Variants in WNT9A observed in about 807,000 individuals in gnomAD.
WNT9A encodes the protein protein Wnt-9a.
A neutral mutation model predicts 31.4 loss-of-function variants in WNT9A; 8 were observed. The ratio of observed to expected loss-of-function variants is 0.26; its 90% CI spans 0.15 to 0.46. The LOEUF is 0.46. WNT9A is among the 20% of genes least tolerant of loss of function. The pLI is 0.99. For missense variants in WNT9A, 457 were observed against 522.9 expected (o/e 0.87, Z 1.23); for synonymous variants, 236 against 220.1 (o/e 1.07, Z -0.64).
intron 1 of WNT9A, among the ~76,000 whole-genome samples, chr1:227,933,590 A>G (rs658238): frequency 0.54 from 81,738 of 152,026 alleles, 22,260 homozygotes; most frequent in African/African-American, 0.63. Context: ...ATCATTCTTC[A>G]CTTTAAAGTG....
At chr1:227,930,372 G>A (rs868494585) in intron 1 of WNT9A, among the ~76,000 whole-genome samples, 2 of 152,194 alleles carry the variant, frequency 1.3e-5, no homozygotes, top group Non-Finnish European at 2.9e-5. Context: ...GAGGAAGCAC[G>A]TTCTTCCCCA....
intron 1 of WNT9A, among the ~76,000 whole-genome samples, chr1:227,938,351 A>G (rs893845967): frequency 3.3e-5 from 5 of 150,912 alleles, no homozygotes; most frequent in Admixed American, 2.6e-4. Context: ...ATACACACAG[A>G]CACACGCATA....
Position 227,933,990 on chromosome 1 carries a change from G to C in WNT9A, c.96-8471C>G, listed in dbSNP as rs919916443. ...TTATTTCACCGAACACAATGTCCTC[G>C]AGGTTCATCTGGGCTGCAGCCTGTG... On this transcript the variant is annotated intron_variant, in intron 1 of 3. Transcript: ENST00000272164. Among the ~76,000 whole-genome samples, 4 of 152,166 alleles carry C rather than the reference G, an allele frequency of 2.6e-5. No individual in the cohort carries two copies. The East Asian group carries it at 7.7e-4, about 29-fold the overall frequency.
chr1:227,924,058 C>CACTTGCCTTCA, intron 3 of WNT9A, 80 bp downstream of exon 3: 1 of 689,232 alleles, frequency 1.5e-6, no homozygotes, highest in Non-Finnish European at 2.1e-6. Flanking sequence ...AGCCCCGCCC[C>CACTTGCCTTCA]CAGTCCCACG....
chr1:227,947,674 C>T, intron 1 of WNT9A, 119 bp downstream of exon 1: 4 of 468,100 alleles, frequency 8.5e-6, no homozygotes, highest in Non-Finnish European at 1.1e-5. Context: ...CCAGGCAACC[C>T]GGCGGCCCCG....
chr1:227,925,121 A>T lies in WNT9A; in HGVS notation c.352+142T>A. 1.5e-6 allele frequency: 2 copies of T among 1,302,036 alleles called. No individual in the cohort carries two copies. Among genetic ancestry groups the T allele is most frequent in the Non-Finnish European group, 2.0e-6 (2 of 993,574 alleles). The allele number at this position is 1,302,036 out of a possible 1,614,324, so 80.7% of individuals were successfully genotyped here. On this transcript the variant is annotated intron_variant, in intron 2 of 3. Transcript: ENST00000272164. This position sits in a 1 kb window ranked among gnomAD's most constrained non-coding sequence, Gnocchi z 6.0. ...GGGAGGTCCCGGGGCTGCCCTTTCCAGGGCCTAGGCCCAGGAGCTCTGGGC... is the reference window on the plus strand; with the variant it reads ...GGGAGGTCCCGGGGCTGCCCTTTCCTGGGCCTAGGCCCAGGAGCTCTGGGC...
At chr1:227,932,021 G>A (rs913992425) in intron 1 of WNT9A, among the ~76,000 whole-genome samples, 2 of 152,060 alleles carry the variant, frequency 1.3e-5, no homozygotes, top group Non-Finnish European at 2.9e-5. Context: ...ACGCCCAGCC[G>A]GAAATTTCTT....
At chr1:227,946,862 G>A (rs1666802450) in intron 1 of WNT9A, among the ~76,000 whole-genome samples, 1 of 151,898 alleles carries the variant, frequency 6.6e-6, no homozygotes, top group South Asian at 2.1e-4. Context: ...CGGCCCGGCT[G>A]AGGGAGCGGC....
intron 1 of WNT9A, among the ~76,000 whole-genome samples, chr1:227,945,462 T>G (rs1666779769): frequency 6.6e-6 from 1 of 152,152 alleles, no homozygotes. Flanking sequence ...AGGGTTGGGT[T>G]GCAGCTCAGG....
intron 1 of WNT9A, among the ~76,000 whole-genome samples, chr1:227,935,310 C>CA (rs1666575943): frequency 6.6e-6 from 1 of 152,072 alleles, no homozygotes; most frequent in Non-Finnish European, 1.5e-5. Flanking sequence ...GAGCTTGAGT[C>CA]ACAGCTCCAG....
At position 227,920,953 on chromosome 1, in the gene WNT9A, G is replaced by A. The variant is rs1666301359; in HGVS notation, c.*565C>T. 1 of 152,974 alleles carries A rather than the reference G, an allele frequency of 6.5e-6. No homozygotes were observed. The highest frequency in any genetic ancestry group is 1.5e-5 in the Non-Finnish European group (1 of 68,644). The allele number at this position is 152,974 out of a possible 1,614,324, so 9.5% of individuals were successfully genotyped here. On this transcript the variant is annotated 3_prime_UTR_variant, in exon 4 of 4. Transcript: ENST00000272164. ...CAGGGCTTGGACAGCCAACCCAGAGGACCCCCGGCACCCTGCTCCAGCTGT... is the reference window on the plus strand; with the variant it reads ...CAGGGCTTGGACAGCCAACCCAGAGAACCCCCGGCACCCTGCTCCAGCTGT...
chr1:227,924,852 G>A (rs558318811), intron 2 of WNT9A, among the ~76,000 whole-genome samples: 30 of 152,340 alleles, frequency 2.0e-4, no homozygotes, highest in Non-Finnish European at 3.2e-4. Context: ...GGGAGGGGGC[G>A]GGAGGAGGCT....
In WNT9A at chr1:227,921,674, G is replaced by T; in HGVS notation, c.942C>A (p.His314Gln). Residue 314 changes from histidine to glutamine, a missense_variant, in exon 4 of 4, where the codon CAC (histidine) becomes CAA (glutamine). Transcript: ENST00000272164. ...FSPGTAGRRC[H>Q]REKNCESICC... Reference sequence around the variant, plus strand: ...AGATGCTCTCGCAGTTCTTCTCACGGTGGCACCTACGGCCAGCGGTGCCCG... The same window carrying T: ...AGATGCTCTCGCAGTTCTTCTCACGTTGGCACCTACGGCCAGCGGTGCCCG... The T allele has an allele frequency of 6.2e-7, 1 of 1,613,264 alleles. No individual in the cohort carries two copies. The highest frequency in any genetic ancestry group is 1.6e-4 in the Middle Eastern group (1 of 6,062).
At chr1:227,947,705 C>T (rs1245122633) in intron 1 of WNT9A, 88 bp downstream of exon 1, 3 of 816,706 alleles carry the variant, frequency 3.7e-6, no homozygotes, top group East Asian at 9.1e-5. Flanking sequence ...GCCCCAGCCA[C>T]CCCGGGTGCC....
In WNT9A at chr1:227,918,996, T is replaced by C. The variant is rs1275870967; in HGVS notation, c.*2522A>G. Reference sequence around the variant, plus strand: ...AGCGCATGAAACAGGAGGCTCCGGCTGAGCGGCCTCTTCATCCAGCAAGAC... The same window carrying C: ...AGCGCATGAAACAGGAGGCTCCGGCCGAGCGGCCTCTTCATCCAGCAAGAC... On this transcript the variant is annotated 3_prime_UTR_variant, in exon 4 of 4. Transcript: ENST00000272164. The C allele has an allele frequency of 6.6e-6, 1 of 152,256 alleles. No individual in the cohort carries two copies. Among genetic ancestry groups the C allele is most frequent in the Non-Finnish European group, 1.5e-5 (1 of 68,046 alleles). The allele number at this position is 152,256 out of a possible 1,614,324, so 9.4% of individuals were successfully genotyped here. A position where few individuals can be genotyped will look rare whatever the true frequency, so the allele number is the denominator to read the frequency against.
rs936139780 is a variant in WNT9A at position 227,928,486 on chromosome 1, C to T, written c.96-2967G>A. On this transcript the variant is annotated intron_variant, in intron 1 of 3. Coordinates refer to ENST00000272164, the MANE Select transcript of WNT9A (RefSeq NM_003395.4). The surrounding 1 kb of genome is among the most constrained non-coding windows in gnomAD (Gnocchi z 4.5). ...TCTGTGCTGCTCTGGCCATGGCCTT[C>T]TTAAGCTCCTGCCCCCTCACCTCTC... 2.6e-5 allele frequency among the ~76,000 whole-genome samples: 4 copies of T among 152,204 alleles called. No homozygotes were observed. The highest frequency in any genetic ancestry group is 9.6e-5 in the African/African-American group (4 of 41,464).
Position 227,947,771 on chromosome 1 carries a change from G to A in WNT9A, c.95+22C>T, listed in dbSNP as rs575869608. 4.5e-4 allele frequency: 481 copies of A among 1,065,160 alleles called. 2 individuals carry two copies. The African/African-American group carries it at 7.5e-3, about 17-fold the overall frequency. The allele number at this position is 1,065,160 out of a possible 1,614,324, so 66.0% of individuals were successfully genotyped here. ...CCGCCGCCCCCGCCCACCAGTGCGC[G>A]CCGGCCGCCGAAGGCACCTACCCGA... On this transcript the variant is annotated intron_variant, in intron 1 of 3. Coordinates refer to ENST00000272164, the MANE Select transcript of WNT9A (RefSeq NM_003395.4).
chr1:227,927,388 G>A (rs1471435389), intron 1 of WNT9A, among the ~76,000 whole-genome samples: 2 of 152,216 alleles, frequency 1.3e-5, no homozygotes, highest in South Asian at 4.1e-4. Flanking sequence ...GGAGGGACCA[G>A]CCAGTCCTCT....
intron 3 of WNT9A, 145 bp from the exon 4 acceptor site, chr1:227,922,145 A>C: frequency 3.9e-4 from 487 of 1,264,812 alleles, no homozygotes; most frequent in Middle Eastern, 5.5e-4. Context: ...TGCACATCTC[A>C]CATCCAGCTC....
Sources: allele counts gnomAD v4.1 joint callset (sites outside exome capture counted in the v4.1 genomes callset), GRCh38; gene constraint gnomAD v4.1.1; non-coding constraint Gnocchi (gnomAD v3.1); transcripts MANE v1.5; gene names NCBI Gene and HGNC (gene_info 2026-07-23, HGNC 2026-07-21).